The following KCNMA1 variants were observed in gnomAD, a reference collection of about 807,000 sequenced individuals.
KCNMA1 encodes the protein Calcium-activated potassium channel subunit alpha-1.
A neutral mutation model predicts 140.0 loss-of-function variants in KCNMA1; 29 were observed. The observed-to-expected ratio is 0.21, with a 90% confidence interval of 0.15 to 0.28. The LOEUF (loss-of-function observed/expected upper bound fraction) is 0.28, where lower values mean the gene tolerates loss of function less well. Among genes scored for constraint, KCNMA1 ranks in the 10% least tolerant of loss-of-function variants. The probability of loss-of-function intolerance (pLI) is 1.00; values close to 1 mark genes in which losing one functional copy is unlikely to be tolerated. For synonymous variants in KCNMA1, 612 were observed against 611.9 expected (o/e 1.00, Z 0.00); for missense variants, 880 against 1,602.2 (o/e 0.55, Z 7.70).
intron 1 of KCNMA1, among the ~76,000 whole-genome samples, chr10:77,423,004 G>A (rs1245685833): frequency 6.6e-6 from 1 of 152,226 alleles, no homozygotes; most frequent in Non-Finnish European, 1.5e-5. Flanking sequence ...TAAAGCTCTG[G>A]CCAAGGCCTT....
intron 5 of KCNMA1, among the ~76,000 whole-genome samples, chr10:77,156,586 G>A (rs188810845): frequency 7.9e-5 from 12 of 152,282 alleles, no homozygotes; most frequent in Non-Finnish European, 1.5e-4. Flanking sequence ...TAAAACTAAC[G>A]AAAGGCCATA....
At chr10:77,244,990 C>A (rs1405179827) in intron 3 of KCNMA1, among the ~76,000 whole-genome samples, 1 of 152,038 alleles carries the variant, frequency 6.6e-6, no homozygotes, top group Non-Finnish European at 1.5e-5. Context: ...TGCCCTTGAA[C>A]TTTCCCTACC....
chr10:77,058,686 A>G (rs1439739144), intron 14 of KCNMA1, among the ~76,000 whole-genome samples: 1 of 152,108 alleles, frequency 6.6e-6, no homozygotes, highest in African/African-American at 2.4e-5. Context: ...TTTCATGTGA[A>G]ATTAGAAAAT....
chr10:77,168,621 G>A (rs1452637645), intron 5 of KCNMA1, among the ~76,000 whole-genome samples: 1 of 152,112 alleles, frequency 6.6e-6, no homozygotes, highest in African/African-American at 2.4e-5. Flanking sequence ...GGGAATTGTT[G>A]CTGACAGAAA....
chr10:77,212,768 C>G (rs1429990451), intron 3 of KCNMA1, among the ~76,000 whole-genome samples: 2 of 152,080 alleles, frequency 1.3e-5, no homozygotes, highest in African/African-American at 4.8e-5. Flanking sequence ...ATCTCTGCTT[C>G]AAGGCACAGC....
At chr10:77,167,550 T>C (rs2098656673) in intron 5 of KCNMA1, among the ~76,000 whole-genome samples, 1 of 152,118 alleles carries the variant, frequency 6.6e-6, no homozygotes, top group Non-Finnish European at 1.5e-5. Flanking sequence ...GAGTGAATGA[T>C]GATAATAATA....
At chr10:77,318,124 T>C (rs1363060983) in intron 2 of KCNMA1, among the ~76,000 whole-genome samples, 1 of 152,172 alleles carries the variant, frequency 6.6e-6, no homozygotes, top group Non-Finnish European at 1.5e-5. Flanking sequence ...GGAGGTACTA[T>C]TTTTAGGTGA....
At chr10:76,973,709 A>C (rs955167061) in intron 19 of KCNMA1, among the ~76,000 whole-genome samples, 1 of 152,172 alleles carries the variant, frequency 6.6e-6, no homozygotes, top group African/African-American at 2.4e-5. Flanking sequence ...TCTTCCAGAA[A>C]CACTGGCCAG....
In KCNMA1 at chr10:77,585,360, C is replaced by T. The variant is rs117212163; in HGVS notation, c.378+51905G>A. On this transcript the variant is annotated intron_variant, in intron 1 of 27. Transcript: ENST00000286628. Reference sequence around the variant, plus strand: ...GAGGACAAGCATGGTACTGATTTCACCAGGCCGTTGTCGCAGTTGTATGAA... The same window carrying T: ...GAGGACAAGCATGGTACTGATTTCATCAGGCCGTTGTCGCAGTTGTATGAA... 4.7e-3 allele frequency among the ~76,000 whole-genome samples: 721 copies of T among 152,292 alleles called. 6 individuals are homozygous for T. The highest frequency in any genetic ancestry group is 0.025 in the South Asian group (121 of 4,826).
At chr10:77,541,595 C>T (rs1377401020) in intron 1 of KCNMA1, among the ~76,000 whole-genome samples, 2 of 152,108 alleles carry the variant, frequency 1.3e-5, no homozygotes, top group African/African-American at 2.4e-5. Context: ...AGTAACATTA[C>T]CTTAGAAACT....
At chr10:77,153,700 AT>A (rs1025143104) in intron 5 of KCNMA1, among the ~76,000 whole-genome samples, 1 of 151,968 alleles carries the variant, frequency 6.6e-6, no homozygotes, top group African/African-American at 2.4e-5. Flanking sequence ...CACCCTGATG[AT>A]TTTTTTATTC....
intron 1 of KCNMA1, among the ~76,000 whole-genome samples, chr10:77,425,109 GTGGATGGATGGATGGATGGA>G (rs200540048): frequency 1.3e-5 from 2 of 150,106 alleles, no homozygotes; most frequent in Non-Finnish European, 3.0e-5. Flanking sequence ...GGATGGATGA[GTGGATGGATGGATGGATGGA>G]TGGATGGATG....
chr10:77,533,779 A>G (rs1654042169), intron 1 of KCNMA1, among the ~76,000 whole-genome samples: 1 of 152,222 alleles, frequency 6.6e-6, no homozygotes, highest in Non-Finnish European at 1.5e-5. Flanking sequence ...TTGGTAACTC[A>G]GGGCAGAAAT....
intron 23 of KCNMA1, among the ~76,000 whole-genome samples, chr10:76,925,501 G>A (rs1364746925): frequency 1.3e-5 from 2 of 152,140 alleles, no homozygotes; most frequent in African/African-American, 4.8e-5. Flanking sequence ...CCCCCCTCAT[G>A]CTGCCAAGAC....
chr10:77,109,594 T>C (rs563470217), intron 8 of KCNMA1, among the ~76,000 whole-genome samples: 2 of 152,268 alleles, frequency 1.3e-5, no homozygotes, highest in African/African-American at 4.8e-5. Flanking sequence ...ACCCCATGTG[T>C]CCGCTGCAGA....
chr10:77,100,905 C>T (rs145972614), intron 9 of KCNMA1, among the ~76,000 whole-genome samples: 39 of 151,664 alleles, frequency 2.6e-4, no homozygotes, highest in Non-Finnish European at 4.1e-4. Context: ...GGCTTGAATA[C>T]GACTTTTTTT....
At chr10:77,109,241 T>G (rs2097263169) in intron 8 of KCNMA1, among the ~76,000 whole-genome samples, 1 of 152,148 alleles carries the variant, frequency 6.6e-6, no homozygotes, top group Non-Finnish European at 1.5e-5. Flanking sequence ...CTTGCGTGAA[T>G]GTACACATGC....
rs1313561897 is a variant in KCNMA1, at chr10:77,344,130, T to C, written c.540+59732A>G. On this transcript the variant is annotated intron_variant, in intron 2 of 27. Coordinates refer to ENST00000286628, the MANE Select transcript of KCNMA1 (RefSeq NM_001161352.2). ...TAGTGCCTCATGTCCTGCCTAACAG[T>C]GGATGCTGGAAATTTACAGGAGCAA... 3.3e-5 allele frequency among the ~76,000 whole-genome samples: 5 copies of C among 152,218 alleles called. No individual in the cohort carries two copies. In the East Asian group the frequency reaches 9.7e-4, roughly 29 times the overall value.
intron 2 of KCNMA1, among the ~76,000 whole-genome samples, chr10:77,281,947 T>C (rs1426160921): frequency 6.6e-6 from 1 of 152,156 alleles, no homozygotes; most frequent in Non-Finnish European, 1.5e-5. Flanking sequence ...CTCCAATCCA[T>C]GTGTCTGGGT....
Sources: allele counts gnomAD v4.1 joint callset (sites outside exome capture counted in the v4.1 genomes callset), GRCh38; gene constraint gnomAD v4.1.1; transcripts MANE v1.5; gene names NCBI Gene and HGNC (gene_info 2026-07-23, HGNC 2026-07-21).